SLC24A2: variants seen among roughly 807,000 people sequenced by gnomAD.
SLC24A2 encodes the protein solute carrier family 24 member 2.
In SLC24A2, 36 loss-of-function variants were observed where a neutral mutation model predicts 62.0. The observed-to-expected ratio is 0.58, with a 90% CI of 0.44 to 0.77. The LOEUF is 0.77. Among genes scored for constraint, SLC24A2 ranks in the 30% least tolerant of loss-of-function variants. SLC24A2 has a pLI of 0.00. For missense variants in SLC24A2, 846 were observed against 817.9 expected (o/e 1.03, Z -0.42); for synonymous variants, 358 against 294.0 (o/e 1.22, Z -2.23).
chr9:20,196,047 T>C, the SLC24A2 span, among the ~76,000 whole-genome samples: 1 of 152,132 alleles, frequency 6.6e-6, no homozygotes, highest in African/African-American at 2.4e-5. Context: ...AATATAAATA[T>C]AATTTGATAT....
chr9:19,765,137 T>C (rs1203600204), intron 2 of SLC24A2, among the ~76,000 whole-genome samples: 2 of 152,160 alleles, frequency 1.3e-5, no homozygotes, highest in African/African-American at 2.4e-5. Context: ...TTTTTTGCTT[T>C]GCATTTGCTT....
At chr9:20,004,701 G>A in the SLC24A2 span, among the ~76,000 whole-genome samples, 8 of 152,230 alleles carry the variant, frequency 5.3e-5, no homozygotes, top group Non-Finnish European at 8.8e-5. Flanking sequence ...TGTGTTCATG[G>A]CAATATGATA....
At chr9:19,876,159 A>T in the SLC24A2 span, among the ~76,000 whole-genome samples, 2 of 152,176 alleles carry the variant, frequency 1.3e-5, no homozygotes, top group Admixed American at 1.3e-4. Flanking sequence ...TTTAAACCAG[A>T]CAACACCTAA....
At chr9:19,531,109 G>A (rs1008455665) in intron 8 of SLC24A2, among the ~76,000 whole-genome samples, 2 of 152,110 alleles carry the variant, frequency 1.3e-5, no homozygotes, top group African/African-American at 4.8e-5. Flanking sequence ...CATCTGCCTC[G>A]CCCAACCTCC....
chr9:19,815,959 C>CTTTTTTTTTTTT, the SLC24A2 span, among the ~76,000 whole-genome samples: 14 of 103,418 alleles, frequency 1.4e-4, no homozygotes, highest in East Asian at 2.9e-4. Flanking sequence ...TTTTTTGCCC[C>CTTTTTTTTTTTT]TTTTTTTTTT....
chr9:20,290,681 G>C, the SLC24A2 span, among the ~76,000 whole-genome samples: 2 of 152,202 alleles, frequency 1.3e-5, no homozygotes, highest in Non-Finnish European at 2.9e-5. Flanking sequence ...AATCGTTTTT[G>C]ATGCTACAGA....
chr9:19,911,563 A>C, the SLC24A2 span, among the ~76,000 whole-genome samples: 1 of 152,200 alleles, frequency 6.6e-6, no homozygotes, highest in Non-Finnish European at 1.5e-5. Flanking sequence ...TTGTGGAATC[A>C]GGCATCAGAT....
At chr9:19,883,754 T>A in the SLC24A2 span, among the ~76,000 whole-genome samples, 89,851 of 151,776 alleles carry the variant, frequency 0.59, 27,852 homozygotes, top group Admixed American at 0.68. Flanking sequence ...TTTAGTAGAG[T>A]CGGGGTTTCA....
At chr9:20,020,064 G>A in the SLC24A2 span, among the ~76,000 whole-genome samples, 1 of 152,124 alleles carries the variant, frequency 6.6e-6, no homozygotes, top group African/African-American at 2.4e-5. Context: ...TAAAAAGTCA[G>A]GAAACAACAG....
At chr9:20,121,656 A>T in the SLC24A2 span, among the ~76,000 whole-genome samples, 1 of 152,212 alleles carries the variant, frequency 6.6e-6, no homozygotes, top group African/African-American at 2.4e-5. Flanking sequence ...CAGCAAATTT[A>T]TAACTCAGTG....
chr9:19,932,895 C>A, the SLC24A2 span, among the ~76,000 whole-genome samples: 1 of 152,226 alleles, frequency 6.6e-6, no homozygotes, highest in Admixed American at 6.5e-5. Context: ...TCAGATTCCC[C>A]CGTCATCACT....
chr9:20,247,144 A>G, the SLC24A2 span, among the ~76,000 whole-genome samples: 1 of 152,190 alleles, frequency 6.6e-6, no homozygotes, highest in African/African-American at 2.4e-5. Flanking sequence ...TCTATTGGAA[A>G]TATTTTTCAG....
At chr9:19,724,100 T>C (rs1410215083) in intron 2 of SLC24A2, among the ~76,000 whole-genome samples, 1 of 152,206 alleles carries the variant, frequency 6.6e-6, no homozygotes, top group African/African-American at 2.4e-5. Flanking sequence ...TCCTATATAG[T>C]GATATCAATA....
At chr9:19,563,505 A>G (rs1835502092) in intron 7 of SLC24A2, among the ~76,000 whole-genome samples, 1 of 152,204 alleles carries the variant, frequency 6.6e-6, no homozygotes, top group Non-Finnish European at 1.5e-5. Context: ...GAAGAAAGAC[A>G]TCATATGAAT....
chr9:19,880,279 A>G, the SLC24A2 span, among the ~76,000 whole-genome samples: 1 of 152,200 alleles, frequency 6.6e-6, no homozygotes, highest in Non-Finnish European at 1.5e-5. Context: ...GAACCAGGGA[A>G]GTAACTCGGG....
the SLC24A2 span, among the ~76,000 whole-genome samples, chr9:20,085,685 A>G: frequency 0.18 from 27,533 of 152,130 alleles, 4,053 homozygotes; most frequent in East Asian, 0.66. Context: ...TATGTTTCCA[A>G]TTTACAATAG....
At chr9:19,830,163 G>C in the SLC24A2 span, among the ~76,000 whole-genome samples, 2 of 152,070 alleles carry the variant, frequency 1.3e-5, no homozygotes, top group Non-Finnish European at 2.9e-5. Context: ...AGGCCACTTT[G>C]AGTAGAGCCC....
At chr9:20,053,234 C>T in the SLC24A2 span, among the ~76,000 whole-genome samples, 8 of 152,058 alleles carry the variant, frequency 5.3e-5, no homozygotes, top group Non-Finnish European at 8.8e-5. Flanking sequence ...TTCATCCAGC[C>T]ATCCTATAAA....
chr9:20,080,242 G>A, the SLC24A2 span, among the ~76,000 whole-genome samples: 2 of 152,236 alleles, frequency 1.3e-5, no homozygotes, highest in African/African-American at 4.8e-5. Context: ...CAAGGCTACA[G>A]TAACAAAAAC....
Sources: allele counts gnomAD v4.1 joint callset (sites outside exome capture counted in the v4.1 genomes callset), GRCh38; gene constraint gnomAD v4.1.1; transcripts MANE v1.5; gene names NCBI Gene and HGNC (gene_info 2026-07-23, HGNC 2026-07-21).